The following PTPRD variants were observed in gnomAD, a reference collection of about 807,000 sequenced individuals.
PTPRD encodes the protein receptor-type tyrosine-protein phosphatase delta.
PTPRD carries 34 observed loss-of-function variants against 214.5 expected under a neutral mutation model. That is an observed-to-expected ratio of 0.16 (90% CI 0.12 to 0.21). The LOEUF (loss-of-function observed/expected upper bound fraction) is 0.21. PTPRD is among the 10% of genes least tolerant of loss of function. The probability of loss-of-function intolerance (pLI) is 1.00; values close to 1 mark genes in which losing one functional copy is unlikely to be tolerated. For synonymous variants in PTPRD, 1,128 were observed against 845.7 expected, an observed-to-expected ratio of 1.33 and a Z score of -5.79; for missense variants, 2,545 against 2,398.7, an observed-to-expected ratio of 1.06 and a Z score of -1.27.
rs538939909 is a variant in PTPRD, at chr9:8,511,867, G to A, written c.1544-4433C>T. Among the ~76,000 whole-genome samples, 13 of 152,124 alleles carry A rather than the reference G, an allele frequency of 8.5e-5. No homozygotes were observed. In the South Asian group the frequency reaches 2.7e-3, roughly 32 times the overall value. ...CTACTGATACATGTTAAGTACTTGA[G>A]TATTACTATAATTACACTCTATATA... On this transcript the variant is annotated intron_variant, in intron 21 of 45. Coordinates refer to ENST00000381196, the MANE Select transcript of PTPRD (RefSeq NM_002839.4).
intron 11 of PTPRD, among the ~76,000 whole-genome samples, chr9:8,929,440 A>T (rs903516774): frequency 6.6e-6 from 1 of 151,878 alleles, no homozygotes; most frequent in Non-Finnish European, 1.5e-5. Flanking sequence ...GCATCTATGG[A>T]GATAATCATG....
intron 12 of PTPRD, among the ~76,000 whole-genome samples, chr9:8,651,002 T>G (rs898154439): frequency 3.3e-5 from 5 of 152,168 alleles, no homozygotes; most frequent in Admixed American, 6.5e-5. Context: ...CAATAACATT[T>G]TGTAGGATAT....
chr9:10,273,388 T>G, intron 3 of PTPRD, among the ~76,000 whole-genome samples: 1 of 152,134 alleles, frequency 6.6e-6, no homozygotes, highest in East Asian at 1.9e-4. Flanking sequence ...AAAATTGTTT[T>G]AATACCATAA....
Position 9,109,867 on chromosome 9 carries a change from T to C in PTPRD, c.-143+73437A>G, listed in dbSNP as rs550113796. ...GGATGTGCCAGGAATACTGGGTCAA[T>C]AGAAGGAAAGCTTAGATTTTGAAAA... is the stretch of plus-strand genomic sequence containing the variant. On this transcript the variant is annotated intron_variant, in intron 10 of 45. Transcript: ENST00000381196. 2.0e-5 allele frequency among the ~76,000 whole-genome samples: 3 copies of C among 152,158 alleles called. No homozygotes were observed. The South Asian group carries it at 6.2e-4, about 32-fold the overall frequency.
At chr9:8,485,661 T>C in intron 28 of PTPRD, 101 bp downstream of exon 28, 1 of 1,055,388 alleles carries the variant, frequency 9.5e-7, no homozygotes, top group Non-Finnish European at 1.3e-6. Context: ...GCTGAACCTA[T>C]TAATATGAAT....
intron 11 of PTPRD, 119 bp from the exon 12 acceptor site, chr9:8,734,065 C>T (rs1401829598): frequency 7.0e-6 from 4 of 574,294 alleles, no homozygotes; most frequent in Non-Finnish European, 1.2e-5. Context: ...ATTGTAAATA[C>T]ACAATAAATT....
chr9:8,445,800 G>T (rs1157948664), intron 34 of PTPRD, among the ~76,000 whole-genome samples: 1 of 152,170 alleles, frequency 6.6e-6, no homozygotes, highest in East Asian at 1.9e-4. Context: ...TTCAGAAGGG[G>T]CTGGGTTGGT....
At chr9:8,486,392 C>T (rs374972829) in intron 27 of PTPRD, 43 bp from the exon 28 acceptor site, 16 of 1,513,050 alleles carry the variant, frequency 1.1e-5, no homozygotes, top group African/African-American at 8.2e-5. Context: ...CCAATCTGAA[C>T]GTTCACATTT....
chr9:10,082,645 A>G (rs2098259396), intron 3 of PTPRD, among the ~76,000 whole-genome samples: 1 of 151,998 alleles, frequency 6.6e-6, no homozygotes, highest in South Asian at 2.1e-4. Flanking sequence ...AAGTAACTCA[A>G]AAATGATGCC....
intron 5 of PTPRD, among the ~76,000 whole-genome samples, chr9:9,800,012 G>A (rs567074812): frequency 6.6e-6 from 1 of 152,254 alleles, no homozygotes; most frequent in East Asian, 1.9e-4. Context: ...ACAGGTGGAT[G>A]AGCCACTTGA....
At position 10,241,102 on chromosome 9, in the gene PTPRD, C is replaced by T. The variant is rs2090953355; in HGVS notation, c.-545+99861G>A. 5.9e-5 allele frequency among the ~76,000 whole-genome samples: 9 copies of T among 151,402 alleles called. No homozygotes were observed. The South Asian group carries it at 1.9e-3, about 31-fold the overall frequency. On this transcript the variant is annotated intron_variant, in intron 3 of 45. Transcript: ENST00000381196. ...ACAAATAAGCTCATAAAAAGATGCTCAACATCATTAACTATTAAAGAAATT... is the reference window on the plus strand; with the variant it reads ...ACAAATAAGCTCATAAAAAGATGCTTAACATCATTAACTATTAAAGAAATT...
intron 3 of PTPRD, among the ~76,000 whole-genome samples, chr9:10,082,737 T>TGA (rs68074159): frequency 2.6e-5 from 4 of 151,192 alleles, no homozygotes; most frequent in East Asian, 2.0e-4. Flanking sequence ...TATTAAATGA[T>TGA]GAGAGAGAGA....
At chr9:8,387,327 A>G (rs940632676) in intron 37 of PTPRD, among the ~76,000 whole-genome samples, 1 of 152,188 alleles carries the variant, frequency 6.6e-6, no homozygotes, top group Non-Finnish European at 1.5e-5. Flanking sequence ...GCTCATTACC[A>G]TCAGATGTTG....
At chr9:9,116,266 A>C (rs915628129) in intron 10 of PTPRD, among the ~76,000 whole-genome samples, 1 of 152,172 alleles carries the variant, frequency 6.6e-6, no homozygotes, top group Admixed American at 6.6e-5. Context: ...ATATATACTT[A>C]CTATGGAATA....
intron 2 of PTPRD, among the ~76,000 whole-genome samples, chr9:10,428,884 C>G (rs936154517): frequency 2.0e-5 from 3 of 151,956 alleles, no homozygotes; most frequent in Non-Finnish European, 4.4e-5. Context: ...AAGCTGGAGT[C>G]AGACTCACAT....
chr9:8,368,978 A>G (rs949768008), intron 39 of PTPRD, among the ~76,000 whole-genome samples: 1 of 152,074 alleles, frequency 6.6e-6, no homozygotes, highest in Non-Finnish European at 1.5e-5. Flanking sequence ...ATTTTTAACA[A>G]TCCTACCTTT....
intron 11 of PTPRD, among the ~76,000 whole-genome samples, chr9:8,853,619 T>C (rs1453512846): frequency 6.6e-6 from 1 of 152,200 alleles, no homozygotes; most frequent in African/African-American, 2.4e-5. Flanking sequence ...CTTGTTCAAA[T>C]GAAATTTACT....
chr9:9,642,541 G>A (rs2096002246), intron 7 of PTPRD, among the ~76,000 whole-genome samples: 3 of 152,058 alleles, frequency 2.0e-5, no homozygotes, highest in Non-Finnish European at 2.9e-5. Context: ...ATAATTTCCA[G>A]GCCTTCTCTC....
At chr9:9,734,642 T>C (rs1379764836) in intron 6 of PTPRD, 71 bp from the exon 7 acceptor site, 3 of 152,040 alleles carry the variant, frequency 2.0e-5, no homozygotes, top group African/African-American at 7.2e-5. Flanking sequence ...GACAATAAAA[T>C]GCTATAATTC....
Sources: allele counts gnomAD v4.1 joint callset (sites outside exome capture counted in the v4.1 genomes callset), GRCh38; gene constraint gnomAD v4.1.1; transcripts MANE v1.5; gene names NCBI Gene and HGNC (gene_info 2026-07-23, HGNC 2026-07-21).